Variants in OSBP2 observed in about 807,000 individuals in gnomAD.
OSBP2 encodes the protein oxysterol-binding protein 2.
In OSBP2, 66 loss-of-function variants were observed where a neutral mutation model predicts 96.0. The observed-to-expected ratio is 0.69, with a 90% CI of 0.56 to 0.84. OSBP2 has a LOEUF of 0.84. OSBP2 is among the 40% of genes least tolerant of loss of function. OSBP2 has a pLI of 0.00. For missense variants in OSBP2, 1,038 were observed against 1,222.7 expected (o/e 0.85, Z 2.25); for synonymous variants, 525 against 520.9 (o/e 1.01, Z -0.11).
chr22:30,836,346 G>A (rs2038632370), intron 2 of OSBP2, among the ~76,000 whole-genome samples: 1 of 152,164 alleles, frequency 6.6e-6, no homozygotes, highest in Non-Finnish European at 1.5e-5. Flanking sequence ...CTAATGACTG[G>A]CAGAGCCAGG....
At chr22:30,787,460 G>A (rs997197546) in intron 2 of OSBP2, among the ~76,000 whole-genome samples, 2 of 152,070 alleles carry the variant, frequency 1.3e-5, no homozygotes, top group Non-Finnish European at 1.5e-5. Flanking sequence ...ATCATTTGGG[G>A]TCAGGAGTTC....
At chr22:30,800,829 C>G (rs537728904) in intron 2 of OSBP2, among the ~76,000 whole-genome samples, 1 of 152,166 alleles carries the variant, frequency 6.6e-6, no homozygotes, top group South Asian at 2.1e-4. Flanking sequence ...TGTGTTGGTT[C>G]CAAACCCTGA....
intron 1 of OSBP2, among the ~76,000 whole-genome samples, chr22:30,733,376 G>A (rs2089807965): frequency 6.6e-6 from 1 of 152,206 alleles, no homozygotes. Context: ...GGTTTGCAAA[G>A]ATACCTTGGA....
Position 30,837,801 on chromosome 22 carries a change from A to G in OSBP2, c.854-32628A>G, listed in dbSNP as rs372839569. 6.6e-5 allele frequency among the ~76,000 whole-genome samples: 10 copies of G among 152,240 alleles called. No homozygotes were observed. The East Asian group carries it at 1.9e-3, about 29-fold the overall frequency. On this transcript the variant is annotated intron_variant, in intron 2 of 13. Transcript: ENST00000332585. Reference sequence around the variant, plus strand: ...GGCCGGGCTAAATCTTGATGCCAGCATTGTCTTGGTTGCTTCCTTTGCAGC... The same window carrying G: ...GGCCGGGCTAAATCTTGATGCCAGCGTTGTCTTGGTTGCTTCCTTTGCAGC...
intron 12 of OSBP2, among the ~76,000 whole-genome samples, chr22:30,894,717 C>G (rs553149364): frequency 2.0e-5 from 3 of 152,334 alleles, no homozygotes; most frequent in African/African-American, 4.8e-5. Context: ...TGCAGTGAAA[C>G]TAAATCAGAG....
intron 1 of OSBP2, among the ~76,000 whole-genome samples, chr22:30,727,603 C>G (rs1414961686): frequency 3.3e-5 from 5 of 152,126 alleles, no homozygotes; most frequent in African/African-American, 1.2e-4. Flanking sequence ...TTGATGCCAC[C>G]TGGGCACTGC....
At chr22:30,754,186 C>T (rs781731682) in intron 2 of OSBP2, among the ~76,000 whole-genome samples, 4 of 152,088 alleles carry the variant, frequency 2.6e-5, no homozygotes, top group East Asian at 1.9e-4. Context: ...TTTCCAAGTG[C>T]GTGAGAAGAT....
chr22:30,856,779 GAA>G (rs111339901), intron 2 of OSBP2, among the ~76,000 whole-genome samples: 31 of 147,778 alleles, frequency 2.1e-4, no homozygotes, highest in South Asian at 6.4e-4. Context: ...ATTTCTTTTA[GAA>G]AAAAAAAAAA....
At chr22:30,808,092 C>G (rs1047822398) in intron 2 of OSBP2, among the ~76,000 whole-genome samples, 2 of 152,146 alleles carry the variant, frequency 1.3e-5, no homozygotes, top group Non-Finnish European at 2.9e-5. Context: ...GCCCAGCCAG[C>G]CAAATTTTAC....
intron 2 of OSBP2, among the ~76,000 whole-genome samples, chr22:30,799,553 G>A (rs922024660): frequency 1.3e-5 from 2 of 152,260 alleles, no homozygotes; most frequent in Admixed American, 6.5e-5. Context: ...AACTTGCCCT[G>A]GGTTTCGTAG....
intron 3 of OSBP2, among the ~76,000 whole-genome samples, chr22:30,882,580 T>G (rs2147137650): frequency 6.8e-6 from 1 of 146,586 alleles, no homozygotes; most frequent in Non-Finnish European, 1.5e-5. Context: ...GGGCCCGCGG[T>G]GTGAGGGAGG....
chr22:30,759,755 A>C (rs2090184848), intron 2 of OSBP2, among the ~76,000 whole-genome samples: 1 of 152,260 alleles, frequency 6.6e-6, no homozygotes. Context: ...ACATGATTTC[A>C]CAGGTAAATT....
intron 2 of OSBP2, among the ~76,000 whole-genome samples, chr22:30,746,360 G>T (rs1219231178): frequency 6.6e-6 from 1 of 151,950 alleles, no homozygotes; most frequent in African/African-American, 2.4e-5. Context: ...AGAGGTTGAG[G>T]CTTCAGTGAG....
intron 1 of OSBP2, among the ~76,000 whole-genome samples, chr22:30,708,577 C>A (rs1209174745): frequency 7.1e-6 from 1 of 140,232 alleles, no homozygotes; most frequent in East Asian, 2.2e-4. Context: ...TAACCTCTGC[C>A]TCCTGGGTTC....
chr22:30,891,449 G>A (rs1460039303), intron 8 of OSBP2, among the ~76,000 whole-genome samples: 1 of 152,222 alleles, frequency 6.6e-6, no homozygotes, highest in Admixed American at 6.5e-5. Flanking sequence ...AGCCTCAGCA[G>A]TGGCAGCCCC....
At chr22:30,835,971 G>C (rs1046238574) in intron 2 of OSBP2, among the ~76,000 whole-genome samples, 5 of 152,044 alleles carry the variant, frequency 3.3e-5, no homozygotes, top group Non-Finnish European at 5.9e-5. Context: ...CTCCTGCCTT[G>C]GCCTTCCAAA....
intron 12 of OSBP2, chr22:30,902,460 A>G (rs963350401): frequency 1.3e-6 from 2 of 1,585,130 alleles, no homozygotes; most frequent in South Asian, 1.1e-5. Context: ...GCAGAAAACA[A>G]GATAAAGGTG....
intron 1 of OSBP2, among the ~76,000 whole-genome samples, chr22:30,735,410 C>CTCTTT (rs1555909093): frequency 4.0e-5 from 4 of 100,602 alleles, no homozygotes; most frequent in Admixed American, 1.1e-4. Flanking sequence ...TCTTCTCTCT[C>CTCTTT]TTTTTTTTTT....
chr22:30,873,439 C>G (rs2039503880), intron 3 of OSBP2, among the ~76,000 whole-genome samples: 1 of 152,160 alleles, frequency 6.6e-6, no homozygotes, highest in Non-Finnish European at 1.5e-5. Context: ...ATGGCTGCAG[C>G]CCCACCAGGG....
Sources: gnomAD v4.1 joint callset for allele counts (sites outside exome capture counted in the v4.1 genomes callset) on GRCh38, gnomAD v4.1.1 for gene constraint, MANE v1.5 for transcripts, NCBI Gene and HGNC (gene_info 2026-07-23, HGNC 2026-07-21) for gene names.